GMDS: variants seen among roughly 807,000 people sequenced by gnomAD.
The protein encoded by GMDS is GDP-mannose 4,6 dehydratase.
Under a neutral mutation model 49.9 loss-of-function variants are expected in GMDS, and 20 were observed. The ratio of observed to expected loss-of-function variants is 0.40; its 90% CI spans 0.28 to 0.58. The LOEUF is 0.58. Among genes scored for constraint, GMDS ranks in the 20% least tolerant of loss-of-function variants. The pLI is 0.42. For synonymous variants in GMDS, 177 were observed against 178.6 expected, an observed-to-expected ratio of 0.99 and a Z score of 0.07; for missense variants, 362 against 481.4, an observed-to-expected ratio of 0.75 and a Z score of 2.32.
chr6:1,853,517 CAAAAAAA>C (rs34773610), intron 7 of GMDS, among the ~76,000 whole-genome samples: 1 of 70,390 alleles, frequency 1.4e-5, no homozygotes, highest in African/African-American at 6.3e-5. Flanking sequence ...GACTCCGTCT[CAAAAAAA>C]AAAAAAAAAA....
intron 1 of GMDS, among the ~76,000 whole-genome samples, chr6:2,215,640 G>C (rs1780298167): frequency 1.3e-5 from 2 of 151,894 alleles, no homozygotes; most frequent in African/African-American, 4.8e-5. Flanking sequence ...AGGGAGAAGA[G>C]AGAAAGAGAT....
intron 7 of GMDS, among the ~76,000 whole-genome samples, chr6:1,906,074 A>G (rs1229589855): frequency 1.3e-5 from 2 of 152,188 alleles, no homozygotes; most frequent in Non-Finnish European, 2.9e-5. Context: ...AAACTACCAA[A>G]TAAGTGATGC....
chr6:1,776,362 T>G (rs1041559645), intron 7 of GMDS, among the ~76,000 whole-genome samples: 6 of 152,130 alleles, frequency 3.9e-5, no homozygotes, highest in African/African-American at 9.7e-5. Context: ...CCACACAGAA[T>G]TTTTGGAATA....
At chr6:1,861,633 G>GA (rs1020346445) in intron 7 of GMDS, among the ~76,000 whole-genome samples, 3,255 of 146,954 alleles carry the variant, frequency 0.022, 111 homozygotes, top group African/African-American at 0.076. Context: ...AAAAAAAAAA[G>GA]AAAAAAAAAT....
chr6:1,927,257 G>A (rs932696793), intron 7 of GMDS, among the ~76,000 whole-genome samples: 1 of 139,078 alleles, frequency 7.2e-6, no homozygotes, highest in African/African-American at 2.8e-5. Flanking sequence ...AGAGGGTAGC[G>A]TGTTGGTGTA....
intron 7 of GMDS, among the ~76,000 whole-genome samples, chr6:1,827,988 C>T (rs758779713): frequency 5.9e-5 from 9 of 152,032 alleles, no homozygotes; most frequent in Non-Finnish European, 8.8e-5. Context: ...AAACTTTGGA[C>T]TTACCAGATA....
At chr6:2,091,487 A>T (rs1581637644) in intron 4 of GMDS, among the ~76,000 whole-genome samples, 1 of 152,306 alleles carries the variant, frequency 6.6e-6, no homozygotes, top group Non-Finnish European at 1.5e-5. Context: ...TAGTCTGAAA[A>T]ACATAAGTTT....
chr6:2,150,585 AT>A (rs1239689784), intron 1 of GMDS, among the ~76,000 whole-genome samples: 1 of 152,184 alleles, frequency 6.6e-6, no homozygotes, highest in Non-Finnish European at 1.5e-5. Flanking sequence ...CAGTTTTCTC[AT>A]CTATAAAATT....
At chr6:1,704,768 C>T (rs1765671673) in intron 9 of GMDS, among the ~76,000 whole-genome samples, 1 of 151,900 alleles carries the variant, frequency 6.6e-6, no homozygotes, top group Non-Finnish European at 1.5e-5. Context: ...AAACACAGTC[C>T]CTGCCTGCGT....
intron 7 of GMDS, among the ~76,000 whole-genome samples, chr6:1,915,963 G>A (rs989321724): frequency 2.0e-5 from 3 of 152,164 alleles, no homozygotes; most frequent in Non-Finnish European, 4.4e-5. Flanking sequence ...CATAAAGAAA[G>A]GGCCATATTG....
chr6:1,972,992 A>G (rs1450037500), intron 4 of GMDS, among the ~76,000 whole-genome samples: 2 of 152,222 alleles, frequency 1.3e-5, no homozygotes, highest in Non-Finnish European at 2.9e-5. Context: ...GAAAGGTTAA[A>G]ACGTCCCCTG....
At chr6:2,079,766 T>C (rs946286425) in intron 4 of GMDS, among the ~76,000 whole-genome samples, 3 of 152,166 alleles carry the variant, frequency 2.0e-5, no homozygotes, top group African/African-American at 7.2e-5. Context: ...TTGACTATAA[T>C]GTGCCAAGGA....
At chr6:2,081,260 G>T (rs529595204) in intron 4 of GMDS, among the ~76,000 whole-genome samples, 1 of 152,214 alleles carries the variant, frequency 6.6e-6, no homozygotes, top group East Asian at 1.9e-4. Context: ...TAGGAACTCC[G>T]GATGGTTTTC....
chr6:1,924,324 C>T (rs1463185195), intron 7 of GMDS, among the ~76,000 whole-genome samples: 3 of 152,346 alleles, frequency 2.0e-5, no homozygotes, highest in South Asian at 2.1e-4. Flanking sequence ...TCACCCCTAA[C>T]GATCCTCACG....
Position 1,766,220 on chromosome 6 carries a change from G to T in GMDS, c.772-23634C>A, listed in dbSNP as rs1768347164. On this transcript the variant is annotated intron_variant, in intron 7 of 10. Transcript: ENST00000380815. This position sits in a 1 kb window ranked among gnomAD's most constrained non-coding sequence, Gnocchi z 4.5. ...ATTAATTTTTGTGTGTGGCACAGAA[G>T]CAAGGAGAAGTTAGCTAATTTAAGC... Among the ~76,000 whole-genome samples, 1 of 152,194 alleles carries T rather than the reference G, an allele frequency of 6.6e-6. No homozygotes were observed. The highest frequency in any genetic ancestry group is 2.1e-4 in the South Asian group (1 of 4,826).
At chr6:1,929,589 A>G (rs939993742) in intron 7 of GMDS, among the ~76,000 whole-genome samples, 1 of 152,238 alleles carries the variant, frequency 6.6e-6, no homozygotes, top group Non-Finnish European at 1.5e-5. Flanking sequence ...TTTAATAGGT[A>G]AAGCTCAACG....
intron 7 of GMDS, among the ~76,000 whole-genome samples, chr6:1,870,761 A>G (rs1405017744): frequency 1.3e-5 from 2 of 152,184 alleles, no homozygotes; most frequent in African/African-American, 4.8e-5. Context: ...ACAAATGCAA[A>G]ACACACACTA....
intron 4 of GMDS, among the ~76,000 whole-genome samples, chr6:2,107,999 CAAGAA>C (rs1245430972): frequency 2.0e-5 from 3 of 152,046 alleles, no homozygotes; most frequent in Non-Finnish European, 4.4e-5. Context: ...TTACATAAGA[CAAGAA>C]AACAATGAGT....
intron 8 of GMDS, among the ~76,000 whole-genome samples, chr6:1,732,252 A>G (rs1986203): frequency 0.83 from 125,677 of 151,474 alleles, 52,651 homozygotes; most frequent in East Asian, 1. Flanking sequence ...GCTTGAACCC[A>G]GGAGGCGGAG....
Sources: gnomAD v4.1 joint callset for allele counts (sites outside exome capture counted in the v4.1 genomes callset) on GRCh38, gnomAD v4.1.1 for gene constraint, Gnocchi (gnomAD v3.1) non-coding constraint, MANE v1.5 for transcripts, NCBI Gene and HGNC (gene_info 2026-07-23, HGNC 2026-07-21) for gene names.